QTGAL: variants seen among roughly 807,000 people sequenced by gnomAD.
The protein encoded by QTGAL is BGnT-like protein 1.
chr17:82,960,637 C>T, the QTGAL span, among the ~76,000 whole-genome samples: 3 of 152,274 alleles, frequency 2.0e-5, no homozygotes, highest in South Asian at 2.1e-4. Context: ...CAGCACTGGG[C>T]GCGTCCTCAC....
At chr17:83,004,873 G>A in the QTGAL span, among the ~76,000 whole-genome samples, 1 of 151,772 alleles carries the variant, frequency 6.6e-6, no homozygotes, top group Non-Finnish European at 1.5e-5. Context: ...CTGTGCGGTC[G>A]GGTTTCCCAG....
the QTGAL span, among the ~76,000 whole-genome samples, chr17:82,951,877 A>G: frequency 1.3e-5 from 2 of 152,078 alleles, no homozygotes; most frequent in Admixed American, 1.3e-4. Flanking sequence ...TCACTGATTC[A>G]TATGGGCGCC....
At chr17:82,963,164 C>T in the QTGAL span, among the ~76,000 whole-genome samples, 1 of 152,178 alleles carries the variant, frequency 6.6e-6, no homozygotes, top group Non-Finnish European at 1.5e-5. Flanking sequence ...GGGGATGGAG[C>T]ACCCAGAACT....
At chr17:83,015,201 T>A in the QTGAL span, among the ~76,000 whole-genome samples, 1 of 133,638 alleles carries the variant, frequency 7.5e-6, no homozygotes, top group African/African-American at 3.0e-5. The surrounding 1 kb of genome is among the most constrained non-coding windows in gnomAD (Gnocchi z 4.4). Flanking sequence ...AGGGGGACCA[T>A]CTGCGGTGAG....
the QTGAL span, among the ~76,000 whole-genome samples, chr17:83,002,112 T>C: frequency 4.6e-5 from 7 of 152,094 alleles, no homozygotes; most frequent in Non-Finnish European, 8.8e-5. Context: ...TATTTTAAAA[T>C]TGTTTTAAGT....
the QTGAL span, among the ~76,000 whole-genome samples, chr17:83,009,703 G>C: frequency 2.0e-5 from 3 of 152,258 alleles, no homozygotes; most frequent in Non-Finnish European, 4.4e-5. Flanking sequence ...AGGTGCCCTC[G>C]GTGCATGGTG....
chr17:83,023,513 G>A, the QTGAL span, among the ~76,000 whole-genome samples: 4 of 152,248 alleles, frequency 2.6e-5, no homozygotes, highest in Non-Finnish European at 5.9e-5. Context: ...GGTGGCACGT[G>A]ATAAAGAGAT....
chr17:82,951,860 A>G, the QTGAL span, among the ~76,000 whole-genome samples: 11 of 151,966 alleles, frequency 7.2e-5, no homozygotes, highest in Admixed American at 1.3e-4. Context: ...CATTTTATCA[A>G]TCAAGTTCAC....
the QTGAL span, among the ~76,000 whole-genome samples, chr17:82,951,109 G>T: frequency 7.5e-3 from 1,147 of 152,300 alleles, 17 homozygotes; most frequent in African/African-American, 0.026. Context: ...AGGCATAGAT[G>T]GGTTTTAAAG....
At chr17:82,977,855 C>T in the QTGAL span, among the ~76,000 whole-genome samples, 842 of 152,272 alleles carry the variant, frequency 5.5e-3, 3 homozygotes, top group Middle Eastern at 0.017. Flanking sequence ...TGGAAACGTA[C>T]GCTCTAGTAC....
the QTGAL span, among the ~76,000 whole-genome samples, chr17:83,029,365 A>G: frequency 6.6e-6 from 1 of 151,078 alleles, no homozygotes; most frequent in African/African-American, 2.4e-5. Context: ...CTGAAGTTAA[A>G]TTTTTTTTTT....
chr17:83,013,211 T>C, the QTGAL span, among the ~76,000 whole-genome samples: 10 of 152,146 alleles, frequency 6.6e-5, no homozygotes, highest in Non-Finnish European at 8.8e-5. Context: ...CTGGGGCCAC[T>C]GAGCCCCAGG....
the QTGAL span, among the ~76,000 whole-genome samples, chr17:83,017,760 T>C: frequency 6.6e-6 from 1 of 151,772 alleles, no homozygotes; most frequent in Non-Finnish European, 1.5e-5. Context: ...ATGTGCTCCG[T>C]GAACATGGTG....
At chr17:82,977,697 G>T in the QTGAL span, among the ~76,000 whole-genome samples, 1 of 152,168 alleles carries the variant, frequency 6.6e-6, no homozygotes, top group South Asian at 2.1e-4. Context: ...CACAGAATCT[G>T]TGAAATGGAG....
the QTGAL span, among the ~76,000 whole-genome samples, chr17:83,018,288 G>T: frequency 3.3e-5 from 5 of 151,610 alleles, no homozygotes; most frequent in African/African-American, 1.2e-4. Flanking sequence ...CACAAACACG[G>T]TGCGCCTGCA....
At chr17:83,031,619 G>C in the QTGAL span, among the ~76,000 whole-genome samples, 1 of 152,350 alleles carries the variant, frequency 6.6e-6, no homozygotes, top group East Asian at 1.9e-4. Context: ...GGACACCTGA[G>C]GCCACCTAAT....
the QTGAL span, chr17:83,051,586 C>T: frequency 0.096 from 76,745 of 798,808 alleles, 3,965 homozygotes; most frequent in East Asian, 0.13. Context: ...GCCCGCGGGG[C>T]CTAAGGGCTG....
the QTGAL span, among the ~76,000 whole-genome samples, chr17:83,029,460 C>T: frequency 1.3e-5 from 2 of 151,984 alleles, no homozygotes; most frequent in East Asian, 1.9e-4. Context: ...GTTACCCAGG[C>T]GGAAGGAGGC....
the QTGAL span, chr17:83,035,196 C>A: frequency 3.1e-6 from 3 of 978,956 alleles, no homozygotes; most frequent in African/African-American, 3.6e-5. Context: ...TTTTTTTTTT[C>A]GAGATGGAGT....
Sources: gnomAD v4.1 joint callset for allele counts (sites outside exome capture counted in the v4.1 genomes callset) on GRCh38, gnomAD v4.1.1 for gene constraint, Gnocchi (gnomAD v3.1) non-coding constraint, MANE v1.5 for transcripts, NCBI Gene and HGNC (gene_info 2026-07-23, HGNC 2026-07-21) for gene names.